SIDT1: variants seen among roughly 807,000 people sequenced by gnomAD.
The protein encoded by SIDT1 is SID1 transmembrane family, member 1.
In SIDT1, 101 loss-of-function variants were observed where a neutral mutation model predicts 107.5. That is an observed-to-expected ratio of 0.94 (90% confidence interval 0.80 to 1.11). The LOEUF (loss-of-function observed/expected upper bound fraction) is 1.11, where lower values mean the gene tolerates loss of function less well. Among genes scored for constraint, SIDT1 ranks in the 50% least tolerant of loss-of-function variants. The pLI, the probability that SIDT1 is intolerant of heterozygous loss-of-function variation, is 0.00. For missense variants in SIDT1, 1,076 were observed against 1,058.2 expected, an observed-to-expected ratio of 1.02 and a Z score of -0.23; for synonymous variants, 395 against 398.2, an observed-to-expected ratio of 0.99 and a Z score of 0.10.
At chr3:113,537,170 A>G (rs1421693758) in intron 1 of SIDT1, among the ~76,000 whole-genome samples, 2 of 152,234 alleles carry the variant, frequency 1.3e-5, no homozygotes, top group Non-Finnish European at 2.9e-5. Flanking sequence ...AGTTTGCCAT[A>G]GATTTTTTAA....
chr3:113,623,791 C>A, intron 23 of SIDT1, 58 bp downstream of exon 23: 1 of 1,094,790 alleles, frequency 9.1e-7, no homozygotes, highest in Non-Finnish European at 1.4e-6. Context: ...GCCATTTTGG[C>A]CTTTCTACCT....
At position 113,603,039 on chromosome 3, in the gene SIDT1, C is replaced by T. The variant is rs1560107103; in HGVS notation, c.1152C>T (p.Ser384=). The part of the protein sequence containing the change: ...ESSSSPGRQM[S]SSDGGPPGQS... ...GCTCCAGTCCTGGAAGGCAGATGTC[C>T]TCCTCCGATGGTGGGCCACCGGGCC... Residue 384 remains serine (S), a synonymous_variant, in exon 12 of 25, where the codon TCC becomes TCT. Transcript: ENST00000264852. 6.2e-7 allele frequency: 1 copy of T among 1,614,130 alleles called. No individual in the cohort carries two copies. Among genetic ancestry groups the T allele is most frequent in the Non-Finnish European group, 8.5e-7 (1 of 1,180,016 alleles).
chr3:113,595,677 G>A (rs145803911), intron 10 of SIDT1, among the ~76,000 whole-genome samples: 49 of 152,062 alleles, frequency 3.2e-4, no homozygotes, highest in Middle Eastern at 3.4e-3. Context: ...CTAAACACAT[G>A]AAGACACCTA....
chr3:113,600,983 C>T (rs780982577), intron 10 of SIDT1, among the ~76,000 whole-genome samples: 1 of 152,314 alleles, frequency 6.6e-6, no homozygotes, highest in South Asian at 2.1e-4. Flanking sequence ...ACAGCTTAGG[C>T]TGCCAAAAAT....
rs62265502 is a variant in SIDT1, at chr3:113,533,599, C to T, written c.222+356C>T. Among the ~76,000 whole-genome samples, 617 of 152,326 alleles carry T rather than the reference C, an allele frequency of 4.1e-3. 5 individuals carry two copies. Among genetic ancestry groups the T allele is most frequent in the Middle Eastern group, 0.014 (4 of 294 alleles). On this transcript the variant is annotated intron_variant, in intron 1 of 24. Coordinates refer to ENST00000264852, the MANE Select transcript of SIDT1 (RefSeq NM_017699.3). ...GTGTGGAGTGCGAAGAAGAACCGCA[C>T]CTCGGTTCCTAATCCCCTGCAGGGA...
intron 1 of SIDT1, among the ~76,000 whole-genome samples, chr3:113,535,289 T>C (rs2107552764): frequency 6.6e-6 from 1 of 152,254 alleles, no homozygotes; most frequent in African/African-American, 2.4e-5. Flanking sequence ...TGTTTTTTTT[T>C]TTAAAGAAAA....
chr3:113,556,306 G>T (rs1358869695), intron 1 of SIDT1, among the ~76,000 whole-genome samples: 1 of 152,090 alleles, frequency 6.6e-6, no homozygotes, highest in Non-Finnish European at 1.5e-5. Flanking sequence ...TTTTTAAAAA[G>T]TGTAACTTGT....
At chr3:113,550,449 T>C (rs572167258) in intron 1 of SIDT1, among the ~76,000 whole-genome samples, 2 of 152,232 alleles carry the variant, frequency 1.3e-5, no homozygotes, top group Non-Finnish European at 2.9e-5. Context: ...GGTGGAAATC[T>C]GTCTTCCAGT....
In SIDT1 at chr3:113,608,481, A is replaced by C; in HGVS notation, c.1665A>C (p.Glu555Asp). ...CTATGGGCATTGCATTGATGATGGA[A>C]GGGGTGCTCAGTGCTTGCTACCATG... ...FYAMGIALMM[E>D]GVLSACYHVC... Residue 555 changes from glutamate to aspartate, a missense_variant, in exon 17 of 25, where the codon GAA becomes GAC. Transcript: ENST00000264852. The C allele has an allele frequency of 6.2e-7, 1 of 1,614,112 alleles. No homozygotes were observed. Among genetic ancestry groups the C allele is most frequent in the East Asian group, 2.2e-5 (1 of 44,884 alleles).
intron 20 of SIDT1, 47 bp from the exon 21 acceptor site, chr3:113,619,633 G>T (rs374004498): frequency 1.3e-6 from 2 of 1,532,684 alleles, no homozygotes; most frequent in Middle Eastern, 3.4e-4. Context: ...TAAAAGAAAA[G>T]TAGGCTGTGC....
At chr3:113,570,579 C>G (rs1045138946) in intron 3 of SIDT1, among the ~76,000 whole-genome samples, 6 of 152,224 alleles carry the variant, frequency 3.9e-5, no homozygotes, top group South Asian at 4.1e-4. Context: ...ATGTTGCTTT[C>G]TGTTTTTACC....
chr3:113,579,132 G>A (rs1333686803), intron 4 of SIDT1, among the ~76,000 whole-genome samples: 3 of 152,178 alleles, frequency 2.0e-5, no homozygotes, highest in Admixed American at 2.0e-4. Flanking sequence ...CAGAAACTGG[G>A]GAGGTAGCCA....
Position 113,569,138 on chromosome 3 carries a change from CAAAAAAAA to C in SIDT1, c.515+1442_515+1449del, listed in dbSNP as rs780715523. 3.5e-3 allele frequency among the ~76,000 whole-genome samples: 196 copies of C among 55,488 alleles called. 1 individual carries two copies. Among genetic ancestry groups the C allele is most frequent in the African/African-American group, 0.012 (168 of 14,522 alleles). The allele number at this position is 55,488 out of a possible 152,430, so 36.4% of individuals were successfully genotyped here. On this transcript the variant is annotated intron_variant, in intron 3 of 24. Coordinates refer to ENST00000264852, the MANE Select transcript of SIDT1 (RefSeq NM_017699.3). ...TGGGTGAAGGAGTGAGACTCCCTCT[CAAAAAAAA>C]AAAAAAAAAAAAAGGAAGCCAGACA...
At chr3:113,539,158 G>C (rs995261514) in intron 1 of SIDT1, among the ~76,000 whole-genome samples, 1 of 152,084 alleles carries the variant, frequency 6.6e-6, no homozygotes, top group African/African-American at 2.4e-5. Context: ...AAAATAATGA[G>C]TTGGTCTCCT....
At chr3:113,634,643 A>C in the SIDT1 span, among the ~76,000 whole-genome samples, 1 of 152,020 alleles carries the variant, frequency 6.6e-6, no homozygotes, top group East Asian at 1.9e-4. Flanking sequence ...CAAAAATACA[A>C]AAAAAATAAA....
At chr3:113,615,487 G>A (rs775754214) in intron 19 of SIDT1, among the ~76,000 whole-genome samples, 5 of 151,998 alleles carry the variant, frequency 3.3e-5, no homozygotes, top group African/African-American at 9.7e-5. Flanking sequence ...ACACACACTC[G>A]CTGCATTTCA....
At chr3:113,592,824 G>A in intron 9 of SIDT1, 181 bp from the exon 10 acceptor site, 2 of 570,202 alleles carry the variant, frequency 3.5e-6, no homozygotes, top group South Asian at 1.9e-5. Context: ...CTGACTTTGT[G>A]ATCCGCCTGC....
chr3:113,533,095 C>G lies in SIDT1; in HGVS notation c.74C>G (p.Pro25Arg), dbSNP rs749833085. 2.5e-5 allele frequency: 38 copies of G among 1,521,742 alleles called. No individual in the cohort carries two copies. In the South Asian group the frequency reaches 4.1e-4, roughly 16 times the overall value. 94.3% of individuals were successfully genotyped at this position (1,521,742 alleles called of 1,614,324 possible). A position where few individuals can be genotyped will look rare whatever the true frequency, so the allele number is the denominator to read the frequency against. ...CTGCTGGCGGCGTCGCCCGGGCACC[C>G]GGCGAAATCCCCCAGGCAGCCCCCG... is the stretch of plus-strand genomic sequence containing the variant. ...WLLLAASPGHPAKSPRQPPAP... is the reference protein window; with the variant it reads ...WLLLAASPGHRAKSPRQPPAP... The change falls in exon 1 of 25, where the codon CCG becomes CGG. Residue 25 changes from proline (P) to arginine (R), a missense_variant. Pro to Arg is a moderately radical substitution (Grantham distance 103). Transcript: ENST00000264852.
chr3:113,602,090 C>T (rs539433714), intron 11 of SIDT1: 1 of 154,486 alleles, frequency 6.5e-6, no homozygotes, highest in Admixed American at 6.5e-5. Context: ...GCCTACCAAT[C>T]CTTCATTTTG....
Sources: gnomAD v4.1 joint callset for allele counts (sites outside exome capture counted in the v4.1 genomes callset) on GRCh38, gnomAD v4.1.1 for gene constraint, MANE v1.5 for transcripts, NCBI Gene and HGNC (gene_info 2026-07-23, HGNC 2026-07-21) for gene names.